SLX4IP: variants seen among roughly 807,000 people sequenced by gnomAD.
SLX4IP encodes the protein protein SLX4IP.
A neutral mutation model predicts 32.9 loss-of-function variants in SLX4IP; 34 were observed. That is an observed-to-expected ratio of 1.03 (90% CI 0.79 to 1.38). The LOEUF is 1.38. SLX4IP is among the 40% of genes most tolerant of loss of function. SLX4IP has a pLI of 0.00. For missense variants in SLX4IP, 444 were observed against 479.0 expected, an observed-to-expected ratio of 0.93 and a Z score of 0.68; for synonymous variants, 172 against 171.7, an observed-to-expected ratio of 1.00 and a Z score of -0.01.
chr20:10,571,207 G>T (rs1601016577), intron 4 of SLX4IP, among the ~76,000 whole-genome samples: 1 of 152,136 alleles, frequency 6.6e-6, no homozygotes, highest in South Asian at 2.1e-4. Flanking sequence ...TGAGTCCCAG[G>T]TTCGGGCACC....
At position 10,580,111 on chromosome 20, in the gene SLX4IP, A is replaced by C. The variant is rs180851838; in HGVS notation, c.239-18564A>C. On this transcript the variant is annotated intron_variant, in intron 4 of 7. Coordinates refer to ENST00000334534, the MANE Select transcript of SLX4IP (RefSeq NM_001009608.3). ...AGTCAAGGTCTTCATAGGCAGAAAA[A>C]CTGTGGTGAGTCACCAGTATTTGCA... Among the ~76,000 whole-genome samples the C allele has an allele frequency of 4.1e-4, 63 of 152,272 alleles. No homozygotes were observed. In the East Asian group the frequency reaches 0.01, roughly 24 times the overall value.
intron 2 of SLX4IP, among the ~76,000 whole-genome samples, chr20:10,531,921 T>C (rs2065992618): frequency 6.6e-6 from 1 of 152,228 alleles, no homozygotes; most frequent in Non-Finnish European, 1.5e-5. Context: ...TGTTGGATTC[T>C]CAGGATAGTT....
intron 1 of SLX4IP, among the ~76,000 whole-genome samples, chr20:10,451,973 C>CATAAA (rs554550073): frequency 2.0e-5 from 3 of 152,004 alleles, no homozygotes; most frequent in South Asian, 4.2e-4. Flanking sequence ...GTCTCAAAAA[C>CATAAA]ATAAAATAAA....
chr20:10,564,576 C>T (rs1457346564), intron 4 of SLX4IP, among the ~76,000 whole-genome samples: 1 of 152,158 alleles, frequency 6.6e-6, no homozygotes, highest in Non-Finnish European at 1.5e-5. Context: ...TGACTTTGCT[C>T]ATTGCTATAA....
intron 2 of SLX4IP, among the ~76,000 whole-genome samples, chr20:10,550,793 C>T (rs1013799353): frequency 3.3e-5 from 5 of 152,206 alleles, no homozygotes; most frequent in South Asian, 2.1e-4. Flanking sequence ...TTTCCTTCTG[C>T]ACTCCTTTCC....
At chr20:10,452,877 G>A (rs1003191760) in intron 1 of SLX4IP, among the ~76,000 whole-genome samples, 4 of 150,810 alleles carry the variant, frequency 2.7e-5, no homozygotes, top group East Asian at 1.9e-4. Context: ...AATAAATAAC[G>A]TAAAAAATTT....
chr20:10,576,684 A>C (rs1240660514), intron 4 of SLX4IP, among the ~76,000 whole-genome samples: 1 of 152,208 alleles, frequency 6.6e-6, no homozygotes, highest in Non-Finnish European at 1.5e-5. Context: ...TCTGGGTCAT[A>C]GATTAATGTA....
intron 2 of SLX4IP, among the ~76,000 whole-genome samples, chr20:10,462,012 C>A (rs770172524): frequency 3.1e-4 from 47 of 151,944 alleles, no homozygotes; most frequent in Non-Finnish European, 5.4e-4. Flanking sequence ...TTACATATAA[C>A]CACAAAACAA....
intron 2 of SLX4IP, among the ~76,000 whole-genome samples, chr20:10,469,534 T>A (rs973003704): frequency 1.3e-5 from 2 of 152,220 alleles, no homozygotes; most frequent in African/African-American, 2.4e-5. Context: ...TTTCTTAGTG[T>A]TAGACCTTGA....
chr20:10,541,379 GC>G (rs1398319191), intron 2 of SLX4IP, among the ~76,000 whole-genome samples: 4 of 152,132 alleles, frequency 2.6e-5, no homozygotes, highest in African/African-American at 4.8e-5. Flanking sequence ...AATGTTGCTT[GC>G]CCTTTGTGGT....
At chr20:10,515,911 C>G (rs1449070372) in intron 2 of SLX4IP, among the ~76,000 whole-genome samples, 1 of 152,058 alleles carries the variant, frequency 6.6e-6, no homozygotes, top group Non-Finnish European at 1.5e-5. Flanking sequence ...TGTTTTGAGA[C>G]TTGGTCTTGC....
chr20:10,583,783 A>G (rs529920889), intron 4 of SLX4IP, among the ~76,000 whole-genome samples: 1 of 152,344 alleles, frequency 6.6e-6, no homozygotes, highest in Non-Finnish European at 1.5e-5. Context: ...ATTAATCAGT[A>G]TTTTAGATTT....
intron 1 of SLX4IP, among the ~76,000 whole-genome samples, chr20:10,452,705 G>A (rs1241503786): frequency 7.1e-6 from 1 of 141,118 alleles, no homozygotes; most frequent in Non-Finnish European, 1.5e-5. Context: ...ATGTAAATTA[G>A]CTGGGCTTGG....
chr20:10,443,327 A>G (rs1339505132), intron 1 of SLX4IP, among the ~76,000 whole-genome samples: 1 of 152,226 alleles, frequency 6.6e-6, no homozygotes, highest in Non-Finnish European at 1.5e-5. Context: ...CAAATATTAA[A>G]GAGGAGATGA....
At chr20:10,543,470 T>C (rs2066130417) in intron 2 of SLX4IP, among the ~76,000 whole-genome samples, 1 of 152,168 alleles carries the variant, frequency 6.6e-6, no homozygotes, top group East Asian at 1.9e-4. Context: ...GCCCAGTGTC[T>C]GAAACCTTGA....
chr20:10,518,498 C>CT lies in SLX4IP; in HGVS notation c.28-37731dup, dbSNP rs1314966755. On this transcript the variant is annotated intron_variant, in intron 2 of 7. Transcript: ENST00000334534. ...TTTTCCTTTCCTTTCCTTTTCCTTC[C>CT]TTCCTTCCTTCCTTCCTTCCTTCCT... 5.1e-3 allele frequency among the ~76,000 whole-genome samples: 108 copies of CT among 21,132 alleles called. 3 individuals are homozygous for CT. The highest frequency in any genetic ancestry group is 5.5e-3 in the Non-Finnish European group (58 of 10,520). 13.9% of individuals were successfully genotyped at this position (21,132 alleles called of 152,430 possible). A position where few individuals can be genotyped will look rare whatever the true frequency, so the allele number is the denominator to read the frequency against.
intron 2 of SLX4IP, among the ~76,000 whole-genome samples, chr20:10,496,667 C>CA (rs146245596): frequency 0.21 from 30,780 of 145,168 alleles, 3,551 homozygotes; most frequent in Admixed American, 0.27. Flanking sequence ...GCCAAATGGA[C>CA]AAAAAAAAAA....
chr20:10,553,263 G>A (rs924281806), intron 2 of SLX4IP, among the ~76,000 whole-genome samples: 5 of 151,718 alleles, frequency 3.3e-5, no homozygotes, highest in African/African-American at 7.3e-5. Context: ...TATGCTTATC[G>A]CCACTTCAGA....
chr20:10,494,027 A>T (rs1054795415), intron 2 of SLX4IP, among the ~76,000 whole-genome samples: 4 of 151,754 alleles, frequency 2.6e-5, no homozygotes. Flanking sequence ...ATTTATTGAG[A>T]TGATCGTATT....
Sources: allele counts gnomAD v4.1 joint callset (sites outside exome capture counted in the v4.1 genomes callset), GRCh38; gene constraint gnomAD v4.1.1; transcripts MANE v1.5; gene names NCBI Gene and HGNC (gene_info 2026-07-23, HGNC 2026-07-21).